Variants in PAK5 observed in about 807,000 individuals in gnomAD.
PAK5 encodes serine/threonine-protein kinase PAK 5.
PAK5 carries 16 observed loss-of-function variants against 65.9 expected under a neutral mutation model. The observed-to-expected ratio is 0.24, with a 90% CI of 0.16 to 0.37. PAK5 has a LOEUF of 0.37. Ranked by LOEUF, PAK5 falls within the 10% of genes least tolerant of loss-of-function variation. The pLI is 1.00. For synonymous variants in PAK5, 371 were observed against 354.9 expected (o/e 1.05, Z -0.51); for missense variants, 785 against 903.9 (o/e 0.87, Z 1.69).
chr20:9,574,736 T>C (rs2045855532), intron 4 of PAK5, among the ~76,000 whole-genome samples: 1 of 152,202 alleles, frequency 6.6e-6, no homozygotes, highest in Non-Finnish European at 1.5e-5. Context: ...ACGTTAGAGA[T>C]AGTGCACTCA....
At chr20:9,605,327 T>C (rs1381634150) in intron 3 of PAK5, among the ~76,000 whole-genome samples, 1 of 152,106 alleles carries the variant, frequency 6.6e-6, no homozygotes, top group Non-Finnish European at 1.5e-5. Flanking sequence ...ATGAGATGAG[T>C]CCACCAAAGC....
At chr20:9,761,485 G>C (rs1487086239) in intron 1 of PAK5, among the ~76,000 whole-genome samples, 1 of 152,072 alleles carries the variant, frequency 6.6e-6, no homozygotes, top group Non-Finnish European at 1.5e-5. Flanking sequence ...TCAAAATTTT[G>C]CATCAAAATT....
At chr20:9,702,176 A>G (rs1159992713) in intron 2 of PAK5, among the ~76,000 whole-genome samples, 1 of 152,158 alleles carries the variant, frequency 6.6e-6, no homozygotes, top group East Asian at 1.9e-4. Flanking sequence ...ATATGATGAT[A>G]ACAACACTGC....
intron 3 of PAK5, among the ~76,000 whole-genome samples, chr20:9,637,924 G>T (rs1023645389): frequency 1.6e-4 from 25 of 152,240 alleles, no homozygotes; most frequent in African/African-American, 5.3e-4. Flanking sequence ...TTTCTAGGCT[G>T]TAACAAAGGG....
intron 6 of PAK5, among the ~76,000 whole-genome samples, chr20:9,562,071 C>A (rs1176032558): frequency 6.6e-6 from 1 of 152,150 alleles, no homozygotes; most frequent in Non-Finnish European, 1.5e-5. Context: ...CTCCTACTTG[C>A]CTTCTTAGTG....
chr20:9,770,078 G>A (rs999580960), intron 1 of PAK5, among the ~76,000 whole-genome samples: 8 of 152,128 alleles, frequency 5.3e-5, no homozygotes, highest in African/African-American at 1.7e-4. Flanking sequence ...TAGAGCTTAT[G>A]TGTATGACAC....
chr20:9,687,452 C>T (rs1481661518), intron 2 of PAK5, among the ~76,000 whole-genome samples: 1 of 152,112 alleles, frequency 6.6e-6, no homozygotes, highest in Non-Finnish European at 1.5e-5. Context: ...GGATTTTATT[C>T]TAAAACTCCA....
intron 1 of PAK5, among the ~76,000 whole-genome samples, chr20:9,729,234 CA>C (rs368174329): frequency 0.083 from 11,329 of 135,704 alleles, 454 homozygotes; most frequent in Middle Eastern, 0.14. Context: ...AACTCCATCT[CA>C]AAAAAAAAAA....
intron 1 of PAK5, among the ~76,000 whole-genome samples, chr20:9,735,123 G>T (rs1168101954): frequency 1.3e-5 from 2 of 152,054 alleles, no homozygotes; most frequent in African/African-American, 4.8e-5. Context: ...AAAAATCAAG[G>T]CCTAAGAAAG....
At chr20:9,708,702 T>C (rs2048039402) in intron 2 of PAK5, among the ~76,000 whole-genome samples, 1 of 152,148 alleles carries the variant, frequency 6.6e-6, no homozygotes, top group Non-Finnish European at 1.5e-5. Context: ...TTTCTTGGTC[T>C]ACATGTATGG....
intron 2 of PAK5, among the ~76,000 whole-genome samples, chr20:9,670,254 C>A (rs1420179290): frequency 6.6e-6 from 1 of 152,120 alleles, no homozygotes; most frequent in Non-Finnish European, 1.5e-5. Flanking sequence ...GTCTTTATAG[C>A]AGCATGATTT....
intron 1 of PAK5, among the ~76,000 whole-genome samples, chr20:9,756,647 G>A (rs1832295217): frequency 1.3e-5 from 2 of 152,080 alleles, no homozygotes; most frequent in African/African-American, 4.8e-5. Flanking sequence ...TGGATGTACT[G>A]GGTTAAGAAA....
At chr20:9,794,105 T>A (rs1195847894) in intron 1 of PAK5, among the ~76,000 whole-genome samples, 3 of 151,634 alleles carry the variant, frequency 2.0e-5, no homozygotes, top group African/African-American at 7.3e-5. Context: ...CATGTTCTCA[T>A]TCATAAGTGG....
chr20:9,625,146 TA>T (rs1337687409), intron 3 of PAK5, among the ~76,000 whole-genome samples: 1 of 152,050 alleles, frequency 6.6e-6, no homozygotes, highest in African/African-American at 2.4e-5. Context: ...CCACCACCTT[TA>T]ACCACCTCCA....
At chr20:9,782,850 C>A (rs947336737) in intron 1 of PAK5, among the ~76,000 whole-genome samples, 3 of 151,960 alleles carry the variant, frequency 2.0e-5, no homozygotes, top group Non-Finnish European at 4.4e-5. Flanking sequence ...CCACCACCAT[C>A]GTCAAACATT....
intron 2 of PAK5, among the ~76,000 whole-genome samples, chr20:9,650,176 C>T (rs1048740282): frequency 9.2e-5 from 14 of 152,246 alleles, no homozygotes; most frequent in African/African-American, 3.1e-4. Context: ...AGAAGAAAGC[C>T]CTACAAGGGA....
At chr20:9,785,529 C>T (rs1283507878) in intron 1 of PAK5, among the ~76,000 whole-genome samples, 1 of 152,114 alleles carries the variant, frequency 6.6e-6, no homozygotes, top group East Asian at 1.9e-4. Context: ...AGCGTATCTC[C>T]TTGGAAAATT....
rs374327191 is a variant in PAK5, at chr20:9,680,054, T to C, written c.-12+31232A>G. On this transcript the variant is annotated intron_variant, in intron 2 of 9. Coordinates refer to ENST00000353224, the MANE Select transcript of PAK5 (RefSeq NM_177990.4). ...CTCTCTCTTTTTCAAAACCTACCTA[T>C]GTGATCCGTTCAGGCAGCCTTGTGC... Among the ~76,000 whole-genome samples, 12 of 152,356 alleles carry C rather than the reference T, an allele frequency of 7.9e-5. No individual in the cohort carries two copies. The East Asian group carries it at 1.5e-3, about 20-fold the overall frequency.
chr20:9,726,462 C>G (rs2048278709), intron 1 of PAK5, among the ~76,000 whole-genome samples: 1 of 152,156 alleles, frequency 6.6e-6, no homozygotes, highest in Admixed American at 6.6e-5. Context: ...GATTTAACTT[C>G]TGGAATTCAT....
Sources: allele counts gnomAD v4.1 joint callset (sites outside exome capture counted in the v4.1 genomes callset), GRCh38; gene constraint gnomAD v4.1.1; transcripts MANE v1.5; gene names NCBI Gene and HGNC (gene_info 2026-07-23, HGNC 2026-07-21).